SCGB2B2: variants seen among roughly 807,000 people sequenced by gnomAD.
The protein encoded by SCGB2B2 is secretoglobin family 2B member 2, also known as secretoglobin-like protein.
SCGB2B2 carries 11 observed loss-of-function variants against 7.6 expected under a neutral mutation model. The ratio of observed to expected loss-of-function variants is 1.45; its 90% CI spans 0.91 to 2.40. SCGB2B2 has a LOEUF of 2.40. Among genes scored for constraint, SCGB2B2 ranks in the 30% most tolerant of loss-of-function variants. The probability of loss-of-function intolerance (pLI) is 0.00; values close to 1 mark genes in which losing one functional copy is unlikely to be tolerated. For missense variants in SCGB2B2, 104 were observed against 115.4 expected (o/e 0.90, Z 0.45); for synonymous variants, 50 against 48.6 (o/e 1.03, Z -0.12).
Position 34,593,421 on chromosome 19 carries a change from C to T in SCGB2B2, c.*134G>A. ...ATATGCGGTCACAGCCAACCCCACACAGATGCCAGAACACAGAACTGAGCT... is the reference window on the plus strand; with the variant it reads ...ATATGCGGTCACAGCCAACCCCACATAGATGCCAGAACACAGAACTGAGCT... On this transcript the variant is annotated 3_prime_UTR_variant, in exon 4 of 4. Coordinates refer to ENST00000601241, the MANE Select transcript of SCGB2B2 (RefSeq NM_001025591.4). The T allele has an allele frequency of 1.5e-6, 1 of 667,250 alleles. No homozygotes were observed. Among genetic ancestry groups the T allele is most frequent in the South Asian group, 1.8e-5 (1 of 54,870 alleles). 41.3% of individuals were successfully genotyped at this position (667,250 alleles called of 1,614,324 possible).
intron 1 of SCGB2B2, among the ~76,000 whole-genome samples, chr19:34,655,321 T>C (rs11671715): frequency 0.42 from 63,620 of 151,012 alleles, 14,691 homozygotes; most frequent in Middle Eastern, 0.6. Flanking sequence ...AATCTATTCG[T>C]TCTGAAGCCT....
downstream of SCGB2B2, among the ~76,000 whole-genome samples, chr19:34,589,670 G>T (rs899673314): frequency 2.0e-5 from 3 of 152,100 alleles, no homozygotes; most frequent in African/African-American, 7.2e-5. Context: ...TGTCATCATG[G>T]TGACCCTTTG....
chr19:34,611,425 TTC>T (rs199695590), intron 1 of SCGB2B2, among the ~76,000 whole-genome samples: 39 of 127,832 alleles, frequency 3.1e-4, no homozygotes, highest in African/African-American at 8.1e-4. Context: ...CTTGAAATCT[TTC>T]TGTTTTTTTG....
chr19:34,599,674 G>C (rs1466461980), intron 1 of SCGB2B2, among the ~76,000 whole-genome samples: 1 of 152,030 alleles, frequency 6.6e-6, no homozygotes, highest in South Asian at 2.1e-4. Context: ...ATTTGGGTGG[G>C]GACACGGAGC....
intron 1 of SCGB2B2, chr19:34,608,811 C>T (rs1210300972): frequency 1.3e-5 from 2 of 151,062 alleles, no homozygotes; most frequent in Middle Eastern, 3.4e-3. Flanking sequence ...CTTCGATATA[C>T]TAATTTTCTT....
At chr19:34,645,280 G>A (rs1273527805) in intron 1 of SCGB2B2, 2 of 152,158 alleles carry the variant, frequency 1.3e-5, no homozygotes, top group Non-Finnish European at 2.9e-5. Flanking sequence ...ATGCCCCAGG[G>A]GCTCCTGGGC....
chr19:34,592,518 T>A lies in SCGB2B2; in HGVS notation c.*1037A>T, dbSNP rs1241117201. Among the ~76,000 whole-genome samples, 2 of 151,212 alleles carry A rather than the reference T, an allele frequency of 1.3e-5. No homozygotes were observed. Among genetic ancestry groups the A allele is most frequent in the Non-Finnish European group, 3.0e-5 (2 of 67,750 alleles). ...AGGGAGAGGGAGGAGTCTAGGGCGG[T>A]GTGAGCTGATAGGGGTAGGCGACCA... On this transcript the variant is annotated 3_prime_UTR_variant, in exon 4 of 4. Transcript: ENST00000601241.
In SCGB2B2 at chr19:34,591,844, AT is replaced by A. The variant is rs2065304684; in HGVS notation, c.*1710del. Among the ~76,000 whole-genome samples, 1 of 152,098 alleles carries A rather than the reference AT, an allele frequency of 6.6e-6. No homozygotes were observed. The highest frequency in any genetic ancestry group is 1.5e-5 in the Non-Finnish European group (1 of 68,022). On this transcript the variant is annotated 3_prime_UTR_variant, in exon 4 of 4. Coordinates refer to ENST00000601241, the MANE Select transcript of SCGB2B2 (RefSeq NM_001025591.4). ...CCTCAAGCCAGTCCCGCCTGATCAC[AT>A]TTCCCTGTTGGGTGGTCCTTGTGGT...
At chr19:34,599,962 G>A (rs921045135) in intron 1 of SCGB2B2, among the ~76,000 whole-genome samples, 3 of 152,098 alleles carry the variant, frequency 2.0e-5, no homozygotes, top group Non-Finnish European at 4.4e-5. Context: ...GCGCCCTCCA[G>A]TTCAAGAAAG....
chr19:34,668,214 C>T (rs574267630), intron 1 of SCGB2B2, among the ~76,000 whole-genome samples: 28 of 152,240 alleles, frequency 1.8e-4, no homozygotes, highest in Middle Eastern at 3.4e-3. Context: ...GAGCGGGAAC[C>T]GGGGCTGAGC....
downstream of SCGB2B2, among the ~76,000 whole-genome samples, chr19:34,585,884 T>C (rs2065181755): frequency 6.6e-6 from 1 of 152,224 alleles, no homozygotes; most frequent in Non-Finnish European, 1.5e-5. Flanking sequence ...CTGGGGAAGT[T>C]GCATATCTGT....
At chr19:34,613,940 T>C (rs568366305) in intron 1 of SCGB2B2, among the ~76,000 whole-genome samples, 2 of 152,360 alleles carry the variant, frequency 1.3e-5, no homozygotes, top group South Asian at 4.1e-4. Context: ...ACTTTGAATA[T>C]ATTATCCCAT....
intron 1 of SCGB2B2, among the ~76,000 whole-genome samples, chr19:34,602,089 C>G (rs986126868): frequency 6.6e-6 from 1 of 152,130 alleles, no homozygotes; most frequent in Admixed American, 6.5e-5. Context: ...TTGGTAGACA[C>G]TCTTTGTTAG....
intron 1 of SCGB2B2, among the ~76,000 whole-genome samples, chr19:34,638,410 T>C (rs1203961515): frequency 6.6e-6 from 1 of 150,420 alleles, no homozygotes; most frequent in Non-Finnish European, 1.5e-5. Context: ...GTCACTGCAC[T>C]CCAGCCTGGA....
chr19:34,664,639 G>A (rs1302456817), intron 1 of SCGB2B2, among the ~76,000 whole-genome samples: 1 of 152,194 alleles, frequency 6.6e-6, no homozygotes. Context: ...GTCCAGTTGT[G>A]CTGTGTTGTG....
At position 34,594,990 on chromosome 19, in the gene SCGB2B2, T is replaced by C. The variant is rs1189375586; in HGVS notation, c.-427A>G. 2.0e-5 allele frequency: 4 copies of C among 198,356 alleles called. No individual in the cohort carries two copies. Among genetic ancestry groups the C allele is most frequent in the Admixed American group, 1.6e-4 (3 of 18,680 alleles). The allele number at this position is 198,356 out of a possible 1,614,324, so 12.3% of individuals were successfully genotyped here. On this transcript the variant is annotated 5_prime_UTR_variant, in exon 2 of 4. Transcript: ENST00000601241. ...CACTGAGTGCTGGCTCAACAAACAT[T>C]TGCTAAGTGAGTATGTCTGTCTGAA...
intron 1 of SCGB2B2, among the ~76,000 whole-genome samples, chr19:34,626,840 G>A (rs1479786193): frequency 6.6e-6 from 1 of 152,184 alleles, no homozygotes; most frequent in African/African-American, 2.4e-5. Flanking sequence ...AGGAAAAAAT[G>A]TTAAGGGTAG....
chr19:34,669,905 G>A (rs926710910), intron 1 of SCGB2B2, among the ~76,000 whole-genome samples: 14 of 152,200 alleles, frequency 9.2e-5, no homozygotes, highest in African/African-American at 3.4e-4. Flanking sequence ...GGAGCAAGGG[G>A]AACCCATAGG....
chr19:34,620,011 T>C (rs1237486489), intron 1 of SCGB2B2, among the ~76,000 whole-genome samples: 1 of 152,132 alleles, frequency 6.6e-6, no homozygotes, highest in Non-Finnish European at 1.5e-5. Context: ...TTATTCTTTT[T>C]TAAAAAAAAA....
Sources: gnomAD v4.1 joint callset for allele counts (sites outside exome capture counted in the v4.1 genomes callset) on GRCh38, gnomAD v4.1.1 for gene constraint, MANE v1.5 for transcripts, NCBI Gene and HGNC (gene_info 2026-07-23, HGNC 2026-07-21) for gene names.